RIC8B: variants seen among roughly 807,000 people sequenced by gnomAD.
The protein encoded by RIC8B is chaperone Ric-8B.
RIC8B carries 16 observed loss-of-function variants against 57.5 expected under a neutral mutation model. The observed-to-expected ratio is 0.28, with a 90% CI of 0.19 to 0.42. The LOEUF (loss-of-function observed/expected upper bound fraction) is 0.42. RIC8B is among the 10% of genes least tolerant of loss of function. RIC8B has a pLI of 1.00. For synonymous variants in RIC8B, 216 were observed against 250.8 expected (o/e 0.86, Z 1.31); for missense variants, 481 against 677.0 (o/e 0.71, Z 3.21).
chr12:106,835,408 T>C (rs1003010935), intron 4 of RIC8B, among the ~76,000 whole-genome samples: 4 of 152,198 alleles, frequency 2.6e-5, no homozygotes, highest in African/African-American at 9.7e-5. Context: ...TTCCCTCTTA[T>C]AGTGGAATAT....
In RIC8B at chr12:106,885,894, C is replaced by CT; in HGVS notation, c.1572-5dup. The CT allele has an allele frequency of 6.3e-7, 1 of 1,583,538 alleles. No homozygotes were observed. The highest frequency in any genetic ancestry group is 8.7e-7 in the Non-Finnish European group (1 of 1,153,110). On this transcript the variant is annotated splice_polypyrimidine_tract_variant and intron_variant, in intron 9 of 9. Coordinates refer to ENST00000392837, the MANE Select transcript of RIC8B (RefSeq NM_001330145.2). ...ACTTTTTTTTCTCTCTCTTTTATCT[C>CT]TTTTTCTAGAGAGGAGTTGCTTAAA...
In RIC8B at chr12:106,815,092, G is replaced by T. The variant is rs759076196; in HGVS notation, c.529G>T (p.Asp177Tyr). The T allele has an allele frequency of 6.2e-7, 1 of 1,614,202 alleles. No individual in the cohort carries two copies. The highest frequency in any genetic ancestry group is 1.1e-5 in the South Asian group (1 of 91,080). ...LLFLLSLLHT[D>Y]IRSQLRYELQ... ...CTTCCTTCTGTCACTTTTGCACACC[G>T]ACATCAGGTCACAATTGCGCTATGA... Residue 177 changes from aspartate (D) to tyrosine (Y), a missense_variant, in exon 3 of 10, where the codon GAC becomes TAC. Asp to Tyr is a radical substitution (Grantham distance 160, BLOSUM62 -3). Around this residue, in one of 3 missense-constraint regions of RIC8B, gnomAD observed 421 missense variants for 560.9 expected, o/e 0.75. Transcript: ENST00000392837.
chr12:106,810,156 C>CT (rs5800718), intron 2 of RIC8B, among the ~76,000 whole-genome samples: 48,370 of 139,508 alleles, frequency 0.35, 8,332 homozygotes, highest in South Asian at 0.39. Context: ...ATGTTATTTC[C>CT]TTTTTTTTTT....
intron 6 of RIC8B, among the ~76,000 whole-genome samples, chr12:106,851,237 G>A (rs746757403): frequency 1.3e-4 from 20 of 148,188 alleles, no homozygotes; most frequent in Non-Finnish European, 2.7e-4. Context: ...AGATGTTTCT[G>A]TTCAAATGAA....
intron 8 of RIC8B, among the ~76,000 whole-genome samples, chr12:106,861,261 A>G (rs1367779492): frequency 2.0e-5 from 3 of 151,944 alleles, no homozygotes; most frequent in African/African-American, 7.2e-5. Context: ...TCTGCTTGGC[A>G]TCTTCTGGAG....
At chr12:106,853,514 G>T (rs1020185100) in intron 7 of RIC8B, among the ~76,000 whole-genome samples, 5 of 125,002 alleles carry the variant, frequency 4.0e-5, no homozygotes, top group African/African-American at 1.3e-4. Flanking sequence ...CGTCGCCCAG[G>T]CTGGAGTGCA....
intron 2 of RIC8B, among the ~76,000 whole-genome samples, chr12:106,786,428 C>T (rs1038437624): frequency 6.6e-6 from 1 of 151,938 alleles, no homozygotes; most frequent in Admixed American, 6.5e-5. Context: ...GGATTACAGG[C>T]GTGAGCCACC....
At chr12:106,795,887 T>G (rs2044458424) in intron 2 of RIC8B, among the ~76,000 whole-genome samples, 1 of 152,216 alleles carries the variant, frequency 6.6e-6, no homozygotes, top group Non-Finnish European at 1.5e-5. Context: ...GGAATTAGTA[T>G]AAATCTGGAG....
chr12:106,854,067 G>A (rs1194953156), intron 7 of RIC8B, among the ~76,000 whole-genome samples: 2 of 152,066 alleles, frequency 1.3e-5, no homozygotes, highest in Non-Finnish European at 2.9e-5. Flanking sequence ...GTAGGGAGAC[G>A]AAGGGACTAT....
intron 4 of RIC8B, among the ~76,000 whole-genome samples, chr12:106,828,408 CTGTG>C (rs554106825): frequency 3.3e-5 from 5 of 152,110 alleles, no homozygotes; most frequent in African/African-American, 1.2e-4. Flanking sequence ...CAATTTTTCT[CTGTG>C]TGTGTGTTTT....
intron 2 of RIC8B, among the ~76,000 whole-genome samples, chr12:106,790,445 G>A (rs146957211): frequency 3.3e-5 from 5 of 152,274 alleles, no homozygotes; most frequent in African/African-American, 1.2e-4. Context: ...ATAGTTCCAG[G>A]TGCATGTGGA....
chr12:106,779,786 T>C (rs2043669091), intron 1 of RIC8B, among the ~76,000 whole-genome samples: 1 of 151,542 alleles, frequency 6.6e-6, no homozygotes. Context: ...ACTTTAGTTA[T>C]AGAATGAACT....
At chr12:106,779,026 G>T (rs2043621784) in intron 1 of RIC8B, among the ~76,000 whole-genome samples, 1 of 152,046 alleles carries the variant, frequency 6.6e-6, no homozygotes, top group Non-Finnish European at 1.5e-5. Flanking sequence ...TGATTCTCCT[G>T]CTTCAGCCTC....
In RIC8B at chr12:106,871,500, C is replaced by CAAAAAAAAAAAAA. The variant is rs1566169701; in HGVS notation, c.1571+564_1571+565insAAAAAAAAAAAAA. 17 of 66,576 alleles carry CAAAAAAAAAAAAA rather than the reference C, an allele frequency of 2.6e-4. 4 individuals carry two copies. Among genetic ancestry groups the CAAAAAAAAAAAAA allele is most frequent in the African/African-American group, 6.6e-4 (11 of 16,618 alleles). The allele number at this position is 66,576 out of a possible 1,614,324, so 4.1% of individuals were successfully genotyped here. A position where few individuals can be genotyped will look rare whatever the true frequency, so the allele number is the denominator to read the frequency against. On this transcript the variant is annotated intron_variant, in intron 9 of 9. Coordinates refer to ENST00000392837, the MANE Select transcript of RIC8B (RefSeq NM_001330145.2). ...AAAAAAAAAAAAAAAAAAAAAAAAC[C>CAAAAAAAAAAAAA]AAAAAACTCCCCTTCCCCTCTTGCT...
chr12:106,855,148 G>T (rs1949665928), intron 7 of RIC8B, among the ~76,000 whole-genome samples: 1 of 152,122 alleles, frequency 6.6e-6, no homozygotes, highest in African/African-American at 2.4e-5. Flanking sequence ...ATGATGTAGG[G>T]GCTGAATTGC....
chr12:106,801,085 A>G (rs1292737857), intron 2 of RIC8B, among the ~76,000 whole-genome samples: 1 of 152,226 alleles, frequency 6.6e-6, no homozygotes, highest in Non-Finnish European at 1.5e-5. Flanking sequence ...ACTAAAATAC[A>G]TTTCACATGG....
At chr12:106,859,613 A>G (rs1949846527) in intron 7 of RIC8B, among the ~76,000 whole-genome samples, 2 of 152,160 alleles carry the variant, frequency 1.3e-5, no homozygotes, top group African/African-American at 4.8e-5. Context: ...AAACTAGGAT[A>G]AAGCTGCAAA....
chr12:106,798,791 G>T (rs1309368901), intron 2 of RIC8B, among the ~76,000 whole-genome samples: 1 of 151,830 alleles, frequency 6.6e-6, no homozygotes, highest in South Asian at 2.1e-4. Flanking sequence ...CCCACTTACT[G>T]CCCAACACAT....
chr12:106,875,460 C>T (rs1258451467), intron 9 of RIC8B, among the ~76,000 whole-genome samples: 1 of 152,132 alleles, frequency 6.6e-6, no homozygotes, highest in East Asian at 1.9e-4. Context: ...AGCTATTGCA[C>T]ACAACTTGTA....
Sources: gnomAD v4.1 joint callset for allele counts (sites outside exome capture counted in the v4.1 genomes callset) on GRCh38, gnomAD v4.1.1 for gene constraint, gnomAD v4.1.1 regional missense constraint, MANE v1.5 for transcripts, NCBI Gene and HGNC (gene_info 2026-07-23, HGNC 2026-07-21) for gene names.